CPLANE1: variants seen among roughly 807,000 people sequenced by gnomAD.
CPLANE1 encodes ciliogenesis and planar polarity effector complex subunit 1.
CPLANE1 carries 263 observed loss-of-function variants against 362.5 expected under a neutral mutation model. That is an observed-to-expected ratio of 0.73 (90% confidence interval 0.66 to 0.80). The LOEUF (loss-of-function observed/expected upper bound fraction) is 0.80. Ranked by LOEUF, CPLANE1 falls within the 30% of genes least tolerant of loss-of-function variation. The probability of loss-of-function intolerance (pLI) is 0.00; values close to 1 mark genes in which losing one functional copy is unlikely to be tolerated. For synonymous variants in CPLANE1, 1,212 were observed against 1,302.6 expected (o/e 0.93, Z 1.50); for missense variants, 3,461 against 3,793.4 (o/e 0.91, Z 2.30).
chr5:37,225,663 C>A (rs961143621), intron 12 of CPLANE1, among the ~76,000 whole-genome samples: 16 of 151,946 alleles, frequency 1.1e-4, no homozygotes, highest in Admixed American at 1.0e-3. Context: ...ATCAGCCTGG[C>A]CAACATGGTG....
At chr5:37,123,643 G>C (rs950614187) in intron 47 of CPLANE1, among the ~76,000 whole-genome samples, 4 of 152,130 alleles carry the variant, frequency 2.6e-5, no homozygotes, top group Non-Finnish European at 4.4e-5. Flanking sequence ...CTTACCTTGA[G>C]TAGTTAGGAC....
intron 6 of CPLANE1, among the ~76,000 whole-genome samples, chr5:37,241,279 C>A (rs2150732952): frequency 6.6e-6 from 1 of 152,276 alleles, no homozygotes; most frequent in South Asian, 2.1e-4. Flanking sequence ...CATGGCGAAA[C>A]CCCATCTTTA....
At chr5:37,081,578 C>T in the CPLANE1 span, among the ~76,000 whole-genome samples, 1 of 152,044 alleles carries the variant, frequency 6.6e-6, no homozygotes, top group African/African-American at 2.4e-5. Flanking sequence ...TCACCTCAGC[C>T]TCCCAAAGCG....
At chr5:37,241,029 G>A (rs966124132) in intron 6 of CPLANE1, among the ~76,000 whole-genome samples, 24 of 151,868 alleles carry the variant, frequency 1.6e-4, no homozygotes, top group African/African-American at 4.3e-4. Context: ...TCAGCTACTC[G>A]GGAGGCTGAG....
chr5:37,225,083 G>C (rs1160277611), intron 12 of CPLANE1, among the ~76,000 whole-genome samples: 2 of 150,592 alleles, frequency 1.3e-5, no homozygotes, highest in African/African-American at 4.9e-5. Context: ...CTGCACTCCA[G>C]CCTGGGAGAC....
chr5:37,227,844 A>C, intron 9 of CPLANE1, 27 bp from the exon 10 acceptor site: 1 of 1,525,880 alleles, frequency 6.6e-7, no homozygotes, highest in Non-Finnish European at 8.8e-7. Context: ...AAAATACAAG[A>C]ATCAGTAAGA....
intron 9 of CPLANE1, 47 bp from the exon 10 acceptor site, chr5:37,227,864 T>TA: frequency 6.8e-7 from 1 of 1,476,908 alleles, no homozygotes; most frequent in Non-Finnish European, 9.0e-7. Flanking sequence ...AGAAAGATCT[T>TA]ACGGAAAACA....
intron 17 of CPLANE1, 27 bp downstream of exon 17, chr5:37,206,170 A>G (rs1194658160): frequency 7.3e-7 from 1 of 1,363,494 alleles, no homozygotes. Context: ...ATCATACTAT[A>G]TCTTAAAATT....
At chr5:37,095,543 A>G in the CPLANE1 span, among the ~76,000 whole-genome samples, 1 of 151,998 alleles carries the variant, frequency 6.6e-6, no homozygotes, top group Non-Finnish European at 1.5e-5. Flanking sequence ...CACTCTCACC[A>G]CTCCTCTTCA....
chr5:37,118,400 CA>C (rs560421140), intron 50 of CPLANE1, among the ~76,000 whole-genome samples: 3,732 of 89,178 alleles, frequency 0.042, 59 homozygotes, highest in Middle Eastern at 0.17. Flanking sequence ...CACTGTGTCT[CA>C]AAAAAAAAAA....
intron 51 of CPLANE1, among the ~76,000 whole-genome samples, chr5:37,113,618 C>A (rs1213757776): frequency 6.6e-6 from 1 of 152,036 alleles, no homozygotes; most frequent in Non-Finnish European, 1.5e-5. Context: ...CTAGAAAATA[C>A]CGCCATAGAC....
At chr5:37,136,479 C>T (rs575295799) in intron 46 of CPLANE1, among the ~76,000 whole-genome samples, 1 of 152,240 alleles carries the variant, frequency 6.6e-6, no homozygotes, top group African/African-American at 2.4e-5. Context: ...TTTCCAGGCA[C>T]ATGGTGCAAG....
intron 51 of CPLANE1, among the ~76,000 whole-genome samples, chr5:37,111,332 G>T (rs1025169377): frequency 2.6e-5 from 4 of 151,116 alleles, no homozygotes; most frequent in Admixed American, 6.6e-5. Flanking sequence ...CACGGTGTTA[G>T]CCAGGATGGT....
rs150785674 is a variant in CPLANE1, at chr5:37,219,587, C to T, written c.2746+1737G>A. Among the ~76,000 whole-genome samples the T allele has an allele frequency of 1.7e-4, 26 of 152,110 alleles. No homozygotes were observed. The East Asian group carries it at 1.7e-3, about 10-fold the overall frequency. ...GGCACATGCCTGTGGTTCCAGCTAC[C>T]TCATTTCCCAGCAGACTCATTTCTC... On this transcript the variant is annotated intron_variant, in intron 15 of 52. Transcript: ENST00000651892.
intron 45 of CPLANE1, among the ~76,000 whole-genome samples, 165 bp from the exon 46 acceptor site, chr5:37,139,013 C>T (rs1311169238): frequency 1.3e-5 from 2 of 151,940 alleles, no homozygotes; most frequent in African/African-American, 4.8e-5. Context: ...GACTAATCAA[C>T]AAAAAGTAAT....
intron 26 of CPLANE1, among the ~76,000 whole-genome samples, chr5:37,182,034 G>T (rs1447376794): frequency 6.6e-6 from 1 of 152,106 alleles, no homozygotes; most frequent in Non-Finnish European, 1.5e-5. Flanking sequence ...GGAGGTTGCA[G>T]TGAGTTGAGA....
At chr5:37,141,058 T>C in intron 44 of CPLANE1, 2 of 985,486 alleles carry the variant, frequency 2.0e-6, no homozygotes, top group Non-Finnish European at 2.4e-6. Context: ...TTTACCCACC[T>C]AGTCACTGAG....
chr5:37,162,623 G>T, intron 37 of CPLANE1, 57 bp from the exon 38 acceptor site: 2 of 1,222,218 alleles, frequency 1.6e-6, no homozygotes, highest in Non-Finnish European at 2.4e-6. Flanking sequence ...ATTACCAGGA[G>T]CCCAGCAGCA....
At chr5:37,204,748 TAA>T (rs34423138) in intron 18 of CPLANE1, among the ~76,000 whole-genome samples, 2 of 142,238 alleles carry the variant, frequency 1.4e-5, no homozygotes, top group Non-Finnish European at 3.1e-5. Context: ...CTTTAATATT[TAA>T]AAAAAAAAAA....
Sources: gnomAD v4.1 joint callset for allele counts (sites outside exome capture counted in the v4.1 genomes callset) on GRCh38, gnomAD v4.1.1 for gene constraint, MANE v1.5 for transcripts, NCBI Gene and HGNC (gene_info 2026-07-23, HGNC 2026-07-21) for gene names.